Variants in NR2F1-AS1 observed in about 807,000 individuals in gnomAD.
NR2F1-AS1 encodes the protein NR2F1 antisense RNA 1.
At chr5:93,572,788 A>G (rs1208628458) in intron 1 of NR2F1-AS1, among the ~76,000 whole-genome samples, 3 of 152,234 alleles carry the variant, frequency 2.0e-5, no homozygotes, top group African/African-American at 7.2e-5. Context: ...CTTTATCCCC[A>G]TCAATTAACC....
intron 4 of NR2F1-AS1, among the ~76,000 whole-genome samples, chr5:93,448,311 T>C (rs1749760099): frequency 6.6e-6 from 1 of 152,156 alleles, no homozygotes; most frequent in Non-Finnish European, 1.5e-5. Flanking sequence ...TGCCTTTCTG[T>C]CCTTGGGGTC....
At chr5:93,521,557 T>C (rs1561480971) in intron 4 of NR2F1-AS1, among the ~76,000 whole-genome samples, 2 of 152,116 alleles carry the variant, frequency 1.3e-5, no homozygotes, top group African/African-American at 2.4e-5. Flanking sequence ...GCAAAGGACA[T>C]GAACAGACGC....
intron 4 of NR2F1-AS1, among the ~76,000 whole-genome samples, chr5:93,461,023 T>C (rs1009891878): frequency 2.1e-4 from 32 of 152,168 alleles, no homozygotes; most frequent in African/African-American, 7.2e-4. Flanking sequence ...GTTATAAAGA[T>C]ACATGCATGC....
intron 4 of NR2F1-AS1, chr5:93,496,091 A>G (rs1449208098): frequency 6.6e-6 from 1 of 152,204 alleles, no homozygotes; most frequent in Non-Finnish European, 1.5e-5. Context: ...TTCCAATATC[A>G]TTGTTAGAGG....
chr5:93,552,568 AC>A (rs751147024), intron 4 of NR2F1-AS1, among the ~76,000 whole-genome samples: 1 of 152,006 alleles, frequency 6.6e-6, no homozygotes, highest in Non-Finnish European at 1.5e-5. Flanking sequence ...CTTCCTCATA[AC>A]TAAAAGTAGT....
At chr5:93,529,850 TAA>T (rs1431923058) in intron 4 of NR2F1-AS1, among the ~76,000 whole-genome samples, 6 of 152,296 alleles carry the variant, frequency 3.9e-5, no homozygotes, top group Non-Finnish European at 8.8e-5. Context: ...ACCTGTGTGA[TAA>T]GTCTTAAGAG....
intron 4 of NR2F1-AS1, among the ~76,000 whole-genome samples, chr5:93,535,676 C>T (rs1445737195): frequency 6.6e-6 from 1 of 152,030 alleles, no homozygotes; most frequent in Non-Finnish European, 1.5e-5. Flanking sequence ...TGGGATTCAT[C>T]GTAGAGATGC....
intron 4 of NR2F1-AS1, among the ~76,000 whole-genome samples, chr5:93,534,842 CATT>C (rs1751807070): frequency 6.6e-6 from 1 of 152,168 alleles, no homozygotes; most frequent in African/African-American, 2.4e-5. Flanking sequence ...CCACCACCTA[CATT>C]ATTAGCAATA....
intron 4 of NR2F1-AS1, among the ~76,000 whole-genome samples, chr5:93,537,113 GTGTGAAAATGGACTAATACACTCATCA>G (rs1419984100): frequency 6.6e-6 from 1 of 152,120 alleles, no homozygotes; most frequent in African/African-American, 2.4e-5. Context: ...TTTATCAACA[GTGTGAAAATGGACTAATACACTCATCA>G]TGTACAAAAA....
chr5:93,574,280 A>G (rs1752844665), intron 1 of NR2F1-AS1, among the ~76,000 whole-genome samples: 2 of 152,236 alleles, frequency 1.3e-5, no homozygotes, highest in Non-Finnish European at 2.9e-5. Flanking sequence ...CCTCAGCTTC[A>G]AGGTTAGTTG....
In NR2F1-AS1 at chr5:93,500,779, A is replaced by T. The variant is rs141884838; in HGVS notation, n.638+52982T>A. On this transcript the variant is annotated intron_variant and non_coding_transcript_variant, in intron 4 of 5. Coordinates refer to ENST00000660523, the Ensembl canonical transcript of NR2F1-AS1. ...CAAAGCCTCCTGAGTAGCTGGGACT[A>T]CAGGTGTGTGCCACCATGCCCAGCA... is the stretch of plus-strand genomic sequence containing the variant. Among the ~76,000 whole-genome samples the T allele has an allele frequency of 2.8e-3, 420 of 152,262 alleles. 1 individual carries two copies. Among genetic ancestry groups the T allele is most frequent in the African/African-American group, 9.9e-3 (413 of 41,548 alleles).
chr5:93,423,279 TA>T (rs1287650934), intron 4 of NR2F1-AS1: 3 of 152,172 alleles, frequency 2.0e-5, no homozygotes, highest in African/African-American at 7.2e-5. Flanking sequence ...CCTTTCATTT[TA>T]ATAATAATAA....
chr5:93,436,579 A>C (rs114123048), intron 4 of NR2F1-AS1, among the ~76,000 whole-genome samples: 2,196 of 152,260 alleles, frequency 0.014, 63 homozygotes, highest in African/African-American at 0.05. Flanking sequence ...TATTGAGGGC[A>C]CTAGGATGGC....
chr5:93,581,687 TCTCTCTC>T (rs1753043466), upstream of NR2F1-AS1, among the ~76,000 whole-genome samples: 1 of 50,138 alleles, frequency 2.0e-5, no homozygotes, highest in African/African-American at 1.2e-4. Context: ...TCTCTCTCTC[TCTCTCTC>T]TCTCTCTCTC....
At chr5:93,454,091 T>C (rs1411881714) in intron 4 of NR2F1-AS1, among the ~76,000 whole-genome samples, 1 of 152,160 alleles carries the variant, frequency 6.6e-6, no homozygotes, top group Non-Finnish European at 1.5e-5. Flanking sequence ...CTGGGCAATA[T>C]GGCAAGACCT....
intron 4 of NR2F1-AS1, among the ~76,000 whole-genome samples, chr5:93,544,456 C>T (rs1752029319): frequency 6.6e-6 from 1 of 152,134 alleles, no homozygotes. Flanking sequence ...AAGAAACAGA[C>T]ATCTCAAAAT....
At chr5:93,470,234 C>T (rs943230554) in intron 4 of NR2F1-AS1, among the ~76,000 whole-genome samples, 2 of 151,616 alleles carry the variant, frequency 1.3e-5, no homozygotes, top group African/African-American at 4.8e-5. Context: ...TATGGAAATC[C>T]CAAATAATGA....
chr5:93,517,962 T>C (rs925348672), intron 4 of NR2F1-AS1, among the ~76,000 whole-genome samples: 2 of 152,074 alleles, frequency 1.3e-5, no homozygotes, highest in Non-Finnish European at 2.9e-5. Context: ...ATTCATTATC[T>C]GGATTTCTTT....
At chr5:93,509,847 A>T (rs1452947765) in intron 4 of NR2F1-AS1, among the ~76,000 whole-genome samples, 1 of 151,966 alleles carries the variant, frequency 6.6e-6, no homozygotes, top group Non-Finnish European at 1.5e-5. Context: ...TAACTTTTTG[A>T]AAGTAAACTG....
Sources: gnomAD v4.1 joint callset for allele counts (sites outside exome capture counted in the v4.1 genomes callset) on GRCh38, gnomAD v4.1.1 for gene constraint, MANE v1.5 for transcripts, NCBI Gene and HGNC (gene_info 2026-07-23, HGNC 2026-07-21) for gene names.